MAB21L4: variants seen among roughly 807,000 people sequenced by gnomAD.
The protein encoded by MAB21L4 is mab-21 like 4.
Under a neutral mutation model 32.4 loss-of-function variants are expected in MAB21L4, and 25 were observed. The ratio of observed to expected loss-of-function variants is 0.77; its 90% CI spans 0.56 to 1.08. MAB21L4 has a LOEUF of 1.08. MAB21L4 is among the 50% of genes least tolerant of loss of function. The pLI, the probability that MAB21L4 is intolerant of heterozygous loss-of-function variation, is 0.00. For synonymous variants in MAB21L4, 280 were observed against 276.8 expected, an observed-to-expected ratio of 1.01 and a Z score of -0.11; for missense variants, 638 against 611.0, an observed-to-expected ratio of 1.04 and a Z score of -0.47.
Position 240,895,694 on chromosome 2 carries a change from G to T in MAB21L4, c.304C>A (p.Pro102Thr), listed in dbSNP as rs1227091717. ...TGGCATAATTCAAGGCCATCCTCCG[G>T]CTGGGTGGCCTCTGGTTCCTCAATC... ...LLIEEPEATQPEDGLELCHLG... is the reference protein window; with the variant it reads ...LLIEEPEATQTEDGLELCHLG... The change falls in exon 1 of 5, where the codon CCG becomes ACG. Residue 102 changes from proline (P) to threonine (T), a missense_variant. Coordinates refer to ENST00000388934, the MANE Select transcript of MAB21L4 (RefSeq NM_001085437.3). 1 of 1,612,906 alleles carries T rather than the reference G, an allele frequency of 6.2e-7. No homozygotes were observed. The highest frequency in any genetic ancestry group is 1.1e-5 in the South Asian group (1 of 91,080).
rs762737909 is a variant in MAB21L4, at chr2:240,891,548, G to C, written c.730C>G (p.Gln244Glu). The C allele has an allele frequency of 4.3e-6, 7 of 1,609,582 alleles. No individual in the cohort carries two copies. In the East Asian group the frequency reaches 1.6e-4, roughly 36 times the overall value. Reference sequence around the variant, plus strand: ...GGAGGGTGCGCCTACCTCCAGAGCTGGGCGCTGGCCGGCACCAGGTCCACC... The same window carrying C: ...GGAGGGTGCGCCTACCTCCAGAGCTCGGCGCTGGCCGGCACCAGGTCCACC... ...QGVDLVPASA[Q>E]LWRTSTDYLL... Residue 244 changes from glutamine to glutamate, a missense_variant, in exon 2 of 5, where the codon CAG becomes GAG. Physicochemically the swap from Gln to Glu is conservative, Grantham distance 29 (BLOSUM62 2). Transcript: ENST00000388934.
In MAB21L4 at chr2:240,886,824, G is replaced by A. The variant is rs2059099054; in HGVS notation, c.*246C>T. On this transcript the variant is annotated 3_prime_UTR_variant, in exon 5 of 5. Transcript: ENST00000388934. ...CAACACCACGTGGCTGGGTCAACAT[G>A]CACCACATGGAGAGCTTGGCACCTG... 8.0e-6 allele frequency: 4 copies of A among 497,834 alleles called. No homozygotes were observed. The South Asian group carries it at 1.3e-4, about 16-fold the overall frequency. 30.8% of individuals were successfully genotyped at this position (497,834 alleles called of 1,614,324 possible). A position where few individuals can be genotyped will look rare whatever the true frequency, so the allele number is the denominator to read the frequency against.
rs564478317 is a variant in MAB21L4 at position 240,894,405 on chromosome 2, G to A, written c.514+1079C>T. ...TACCACTCAGGGTCCCCATCATCCT[G>A]GCCCCTGCACAGGCTGAGCCCTGTC... On this transcript the variant is annotated intron_variant, in intron 1 of 4. Coordinates refer to ENST00000388934, the MANE Select transcript of MAB21L4 (RefSeq NM_001085437.3). 2.0e-5 allele frequency among the ~76,000 whole-genome samples: 3 copies of A among 152,246 alleles called. No individual in the cohort carries two copies. In the South Asian group the frequency reaches 6.2e-4, roughly 32 times the overall value.
In MAB21L4 at chr2:240,886,872, G is replaced by A; in HGVS notation, c.*198C>T. ...CTGCATCCAGGCCCTGACCCAGGGA[G>A]GAGGTGCTCCAAGAGGCCTGCCCTG... On this transcript the variant is annotated 3_prime_UTR_variant, in exon 5 of 5. Transcript: ENST00000388934. 1 of 554,258 alleles carries A rather than the reference G, an allele frequency of 1.8e-6. No homozygotes were observed. Among genetic ancestry groups the A allele is most frequent in the South Asian group, 2.5e-5 (1 of 40,732 alleles). The allele number at this position is 554,258 out of a possible 1,614,324, so 34.3% of individuals were successfully genotyped here.
At chr2:240,894,169 C>T (rs537235192) in intron 1 of MAB21L4, among the ~76,000 whole-genome samples, 18 of 151,938 alleles carry the variant, frequency 1.2e-4, no homozygotes, top group Non-Finnish European at 2.1e-4. Context: ...CAGGCCCCAG[C>T]GCCGGGCATC....
rs765508804 is a variant in MAB21L4 at position 240,888,609 on chromosome 2, C to T, written c.934G>A (p.Glu312Lys). The change falls in exon 4 of 5, where the codon GAG becomes AAG. Residue 312 changes from glutamate to lysine, a missense_variant. By Grantham distance (56) the Glu-to-Lys change is moderately conservative. Transcript: ENST00000388934. Reference protein sequence around the residue: ...LWASVLFLAPEDWAELQGAVY... With the variant: ...LWASVLFLAPKDWAELQGAVY... ...GCGCCCTGCAGTTCTGCCCAGTCCT[C>T]GGGCGCCAGGAAGAGCACAGAGGCC... 35 of 1,599,640 alleles carry T rather than the reference C, an allele frequency of 2.2e-5. No individual in the cohort carries two copies. The Admixed American group carries it at 2.2e-4, about 10-fold the overall frequency.
intron 2 of MAB21L4, 139 bp from the exon 3 acceptor site, chr2:240,890,297 A>C (rs1321367591): frequency 7.4e-5 from 79 of 1,070,862 alleles, no homozygotes; most frequent in Non-Finnish European, 1.0e-4. Context: ...GCCGGAACCC[A>C]GGCTTCTCGG....
rs2059093200 is a variant in MAB21L4, at chr2:240,886,192, C to G, written c.*878G>C. On this transcript the variant is annotated 3_prime_UTR_variant, in exon 5 of 5. Coordinates refer to ENST00000388934, the MANE Select transcript of MAB21L4 (RefSeq NM_001085437.3). ...CATGGCCGGAGAAAGAGGAAGAGAG[C>G]AAAAGGAGAGGGGGAGGGGCCACAC... 1 of 152,210 alleles carries G rather than the reference C, an allele frequency of 6.6e-6. No individual in the cohort carries two copies. Among genetic ancestry groups the G allele is most frequent in the Non-Finnish European group, 1.5e-5 (1 of 68,176 alleles). 9.4% of individuals were successfully genotyped at this position (152,210 alleles called of 1,614,324 possible).
chr2:240,887,125 G>C lies in MAB21L4; in HGVS notation c.1289C>G (p.Ser430Cys), dbSNP rs776099689. Reference protein sequence around the residue: ...VFNIQDKDRISAMQSIFQKTR... With the variant: ...VFNIQDKDRICAMQSIFQKTR... ...CTTCTGGAAGATGCTCTGCATGGCAGAGATCCGGTCCTTATCCTGGATGTT... is the reference window on the plus strand; with the variant it reads ...CTTCTGGAAGATGCTCTGCATGGCACAGATCCGGTCCTTATCCTGGATGTT... Residue 430 changes from serine to cysteine, a missense_variant, in exon 5 of 5, where the codon TCT (serine) becomes TGT (cysteine). Physicochemically the swap from Ser to Cys is moderately radical, Grantham distance 112. Coordinates refer to ENST00000388934, the MANE Select transcript of MAB21L4 (RefSeq NM_001085437.3). 6.2e-7 allele frequency: 1 copy of C among 1,614,188 alleles called. No individual in the cohort carries two copies. Among genetic ancestry groups the C allele is most frequent in the South Asian group, 1.1e-5 (1 of 91,072 alleles).
At position 240,886,251 on chromosome 2, in the gene MAB21L4, A is replaced by G. The variant is rs1165338129; in HGVS notation, c.*819T>C. 6.6e-6 allele frequency: 1 copy of G among 152,204 alleles called. No individual in the cohort carries two copies. The highest frequency in any genetic ancestry group is 1.5e-5 in the Non-Finnish European group (1 of 68,072). 9.4% of individuals were successfully genotyped at this position (152,204 alleles called of 1,614,324 possible). Reference sequence around the variant, plus strand: ...AACCAGATCTCATGAGAACTCACTCACTATCATGAGAACAGTAAGGGAGAA... The same window carrying G: ...AACCAGATCTCATGAGAACTCACTCGCTATCATGAGAACAGTAAGGGAGAA... On this transcript the variant is annotated 3_prime_UTR_variant, in exon 5 of 5. Coordinates refer to ENST00000388934, the MANE Select transcript of MAB21L4 (RefSeq NM_001085437.3).
intron 1 of MAB21L4, among the ~76,000 whole-genome samples, chr2:240,894,842 C>A (rs1574729362): frequency 6.6e-6 from 1 of 152,118 alleles, no homozygotes; most frequent in Admixed American, 6.5e-5. Context: ...CTGAGGCCAG[C>A]CCCTGGTCCA....
At chr2:240,894,838 C>T (rs1447502367) in intron 1 of MAB21L4, among the ~76,000 whole-genome samples, 1 of 152,076 alleles carries the variant, frequency 6.6e-6, no homozygotes, top group Non-Finnish European at 1.5e-5. Flanking sequence ...GAGACTGAGG[C>T]CAGCCCCTGG....
At chr2:240,887,431 G>T (rs544985165) in intron 4 of MAB21L4, among the ~76,000 whole-genome samples, 1 of 152,200 alleles carries the variant, frequency 6.6e-6, no homozygotes, top group East Asian at 1.9e-4. Context: ...GGCTGCCTCC[G>T]GTGACCACCC....
Position 240,896,056 on chromosome 2 carries a change from T to C in MAB21L4, c.-59A>G, listed in dbSNP as rs2059185910. 3 of 1,404,146 alleles carry C rather than the reference T, an allele frequency of 2.1e-6. No homozygotes were observed. The highest frequency in any genetic ancestry group is 6.4e-5 in the Admixed American group (2 of 31,056). The allele number at this position is 1,404,146 out of a possible 1,614,324, so 87.0% of individuals were successfully genotyped here. A position where few individuals can be genotyped will look rare whatever the true frequency, so the allele number is the denominator to read the frequency against. On this transcript the variant is annotated 5_prime_UTR_variant, in exon 1 of 5. Coordinates refer to ENST00000388934, the MANE Select transcript of MAB21L4 (RefSeq NM_001085437.3). ...CCTGAGGAGGACTCCGCAGGCCAGC[T>C]GTGCAGATGGGCTGTGAGGAGGCAC... is the stretch of plus-strand genomic sequence containing the variant.
Position 240,895,843 on chromosome 2 carries a change from G to A in MAB21L4, c.155C>T (p.Ala52Val). The change falls in exon 1 of 5, where the codon GCC becomes GTC. Residue 52 changes from alanine (A) to valine (V), a missense_variant. By Grantham distance (64) the Ala-to-Val change is moderately conservative. Coordinates refer to ENST00000388934, the MANE Select transcript of MAB21L4 (RefSeq NM_001085437.3). ...VLLTVLERVH[A>V]LDPRFIVDYS... ...GTCCACGATGAAGCGGGGGTCCAGG[G>A]CATGCACGCGCTCCAGCACCGTGAG... 1.3e-6 allele frequency: 2 copies of A among 1,579,860 alleles called. No homozygotes were observed. The highest frequency in any genetic ancestry group is 1.2e-5 in the South Asian group (1 of 86,090).
Position 240,888,297 on chromosome 2 carries a change from C to A in MAB21L4, c.1246G>T (p.Asp416Tyr). 3 of 1,559,140 alleles carry A rather than the reference C, an allele frequency of 1.9e-6. No homozygotes were observed. Among genetic ancestry groups the A allele is most frequent in the Non-Finnish European group, 2.6e-6 (3 of 1,157,700 alleles). ...WATAYFDVLL[D>Y]KFQVFNIQDK... Reference sequence around the variant, plus strand: ...CCCCCGCAGCCAGCACCCACCTTGTCCAGCAGGACGTCGAAGTAGGCAGTG... The same window carrying A: ...CCCCCGCAGCCAGCACCCACCTTGTACAGCAGGACGTCGAAGTAGGCAGTG... Residue 416 changes from aspartate to tyrosine, a missense_variant, in exon 4 of 5, where the codon GAC becomes TAC. Coordinates refer to ENST00000388934, the MANE Select transcript of MAB21L4 (RefSeq NM_001085437.3).
rs757352190 is a variant in MAB21L4 at position 240,891,586 on chromosome 2, A to T, written c.692T>A (p.Ile231Asn). 54 of 1,610,908 alleles carry T rather than the reference A, an allele frequency of 3.4e-5. 1 individual carries two copies. The South Asian group carries it at 5.7e-4, about 17-fold the overall frequency. ...PGFPEGSLRRILSQGVDLVPA... is the reference protein window; with the variant it reads ...PGFPEGSLRRNLSQGVDLVPA... Reference sequence around the variant, plus strand: ...CACCAGGTCCACCCCTTGGCTGAGGATCCTTCTCAAGCTGCCCTCAGGGAA... The same window carrying T: ...CACCAGGTCCACCCCTTGGCTGAGGTTCCTTCTCAAGCTGCCCTCAGGGAA... The change falls in exon 2 of 5, where the codon ATC (isoleucine) becomes AAC (asparagine). Residue 231 changes from isoleucine to asparagine, a missense_variant. Physicochemically the swap from Ile to Asn is moderately radical, Grantham distance 149 (BLOSUM62 -3). Transcript: ENST00000388934.
At chr2:240,892,529 C>T (rs998764743) in intron 1 of MAB21L4, among the ~76,000 whole-genome samples, 3 of 152,146 alleles carry the variant, frequency 2.0e-5, no homozygotes, top group South Asian at 2.1e-4. Flanking sequence ...AGAGAAGAGG[C>T]GGCGGCAGCT....
At chr2:240,888,889 C>G (rs1014115007) in intron 3 of MAB21L4, among the ~76,000 whole-genome samples, 1 of 151,966 alleles carries the variant, frequency 6.6e-6, no homozygotes, top group African/African-American at 2.4e-5. Context: ...GGCTCTGGCC[C>G]TCGCACCCCA....
Sources: gnomAD v4.1 joint callset for allele counts (sites outside exome capture counted in the v4.1 genomes callset) on GRCh38, gnomAD v4.1.1 for gene constraint, MANE v1.5 for transcripts, NCBI Gene and HGNC (gene_info 2026-07-23, HGNC 2026-07-21) for gene names.